ATP7A: variants seen among roughly 807,000 people sequenced by gnomAD.
ATP7A encodes copper-transporting ATPase 1.
ATP7A carries 7 observed loss-of-function variants against 83.5 expected under a neutral mutation model. The ratio of observed to expected loss-of-function variants is 0.08; its 90% confidence interval spans 0.05 to 0.16. ATP7A has a LOEUF of 0.16. Among genes scored for constraint, ATP7A ranks in the 10% least tolerant of loss-of-function variants. The pLI is 1.00. For missense variants in ATP7A, 940 were observed against 1,120.8 expected (o/e 0.84, Z 2.30); for synonymous variants, 354 against 395.2 (o/e 0.90, Z 1.24).
intron 21 of ATP7A, among the ~76,000 whole-genome samples, chrX:78,043,817 CCAACTAATTTTTG>C (rs1249602224): frequency 9.5e-6 from 1 of 105,771 alleles, no homozygotes; most frequent in Non-Finnish European, 1.9e-5. Flanking sequence ...GCCACAACGC[CCAACTAATTTTTG>C]TATTTTTAGT....
chrX:77,930,841 C>T (rs371586819), intron 1 of ATP7A, among the ~76,000 whole-genome samples: 2 of 110,736 alleles, frequency 1.8e-5, no homozygotes, highest in Non-Finnish European at 3.8e-5. Context: ...AGGCAGCTCT[C>T]GACTTTAGAT....
intron 19 of ATP7A, among the ~76,000 whole-genome samples, chrX:78,041,249 C>T (rs182677385): frequency 9.0e-6 from 1 of 111,528 alleles, no homozygotes; most frequent in East Asian, 2.8e-4. Flanking sequence ...ATAAATAATG[C>T]AAGTAATCTT....
Position 77,931,167 on chromosome X carries a change from T to A in ATP7A, c.-22+20332T>A, listed in dbSNP as rs1028930443. On this transcript the variant is annotated intron_variant, in intron 1 of 22. Coordinates refer to ENST00000341514, the MANE Select transcript of ATP7A (RefSeq NM_000052.7). ...TAGGCAGAGGACCCTGTGGCCTTCC[T>A]CAGTGTTTGTGTCCCTGGGTACTTG... Among the ~76,000 whole-genome samples the A allele has an allele frequency of 4.6e-5, 5 of 109,063 alleles. No homozygotes were observed. In the South Asian group the frequency reaches 2.0e-3, roughly 44 times the overall value. 94.7% of individuals were successfully genotyped at this position (109,063 alleles called of 115,157 possible).
intron 1 of ATP7A, among the ~76,000 whole-genome samples, chrX:77,931,988 A>G (rs1438963506): frequency 2.0e-4 from 10 of 50,410 alleles, no homozygotes; most frequent in East Asian, 6.9e-4. Context: ...CGGCTGGCTG[A>G]GCGGGGGGCT....
chrX:78,039,461 T>C (rs1557238091), intron 18 of ATP7A, among the ~76,000 whole-genome samples: 1 of 110,978 alleles, frequency 9.0e-6, no homozygotes, highest in African/African-American at 3.3e-5. Flanking sequence ...GCCTCCCAAG[T>C]AGCTGGGATT....
At chrX:77,982,963 G>A (rs782568330) in intron 2 of ATP7A, among the ~76,000 whole-genome samples, 1 of 112,126 alleles carries the variant, frequency 8.9e-6, no homozygotes, top group East Asian at 2.8e-4. Context: ...CAAATTTGAT[G>A]TCTGGTGAGG....
intron 2 of ATP7A, among the ~76,000 whole-genome samples, chrX:77,977,320 A>G (rs1343605344): frequency 8.9e-6 from 1 of 112,006 alleles, no homozygotes; most frequent in African/African-American, 3.2e-5. Context: ...CAGAAGCTGA[A>G]CCTTACTAAT....
rs1203475039 is a variant in ATP7A at position 77,910,731 on chromosome X, T to A, written c.-126T>A. On this transcript the variant is annotated 5_prime_UTR_variant, in exon 1 of 23. Coordinates refer to ENST00000341514, the MANE Select transcript of ATP7A (RefSeq NM_000052.7). Reference sequence around the variant, plus strand: ...GCCGCCGCCGCAGCCGCAGCTACTGTGACTTCTCCGATTGTGTGAGCTTTG... The same window carrying A: ...GCCGCCGCCGCAGCCGCAGCTACTGAGACTTCTCCGATTGTGTGAGCTTTG... 1.8e-5 allele frequency: 2 copies of A among 112,350 alleles called. No homozygotes were observed. Among genetic ancestry groups the A allele is most frequent in the Admixed American group, 9.4e-5 (1 of 10,637 alleles). The allele number at this position is 112,350 out of a possible 1,213,427, so 9.3% of individuals were successfully genotyped here.
At position 77,950,208 on chromosome X, in the gene ATP7A, A is replaced by G. The variant is rs138539398; in HGVS notation, c.-21-21413A>G. ...CAGAAGTGTCTGACTAGCCAAGTCT[A>G]GAATCATTTAGAAGCATCTCAGCTT... On this transcript the variant is annotated intron_variant, in intron 1 of 22. Coordinates refer to ENST00000341514, the MANE Select transcript of ATP7A (RefSeq NM_000052.7). 2.7e-3 allele frequency among the ~76,000 whole-genome samples: 306 copies of G among 112,357 alleles called. 1 individual carries two copies. Among genetic ancestry groups the G allele is most frequent in the African/African-American group, 9.5e-3 (294 of 30,992 alleles).
At chrX:77,931,763 TG>T (rs1260107476) in intron 1 of ATP7A, among the ~76,000 whole-genome samples, 15 of 45,806 alleles carry the variant, frequency 3.3e-4, no homozygotes, top group African/African-American at 1.3e-3. Context: ...GCTGGCCGGG[TG>T]GGGGGCTGAC....
intron 1 of ATP7A, among the ~76,000 whole-genome samples, chrX:77,919,449 T>TA (rs1293123327): frequency 8.9e-6 from 1 of 112,197 alleles, no homozygotes; most frequent in Non-Finnish European, 1.9e-5. Flanking sequence ...AGCAGCCTGT[T>TA]AAAAAAAATT....
chrX:78,010,013 G>A (rs1486054216), intron 7 of ATP7A, among the ~76,000 whole-genome samples: 1 of 112,630 alleles, frequency 8.9e-6, no homozygotes, highest in East Asian at 2.8e-4. Flanking sequence ...ACATGTGAAT[G>A]TATTTTAAAA....
rs782643561 is a variant in ATP7A, at chrX:78,037,980, G to GTTTTTTTTTT, written c.3512-839_3512-830dup. ...AGAGAGGTGGGTGAGATCAAGAAAG[G>GTTTTTTTTTT]TTTTTTTTTTTTTTTTTTTTTTTTT... On this transcript the variant is annotated intron_variant, in intron 17 of 22. Coordinates refer to ENST00000341514, the MANE Select transcript of ATP7A (RefSeq NM_000052.7). Among the ~76,000 whole-genome samples the GTTTTTTTTTT allele has an allele frequency of 6.3e-3, 320 of 51,200 alleles. 41 individuals are homozygous for GTTTTTTTTTT. The highest frequency in any genetic ancestry group is 7.9e-3 in the Non-Finnish European group (247 of 31,156). The allele number at this position is 51,200 out of a possible 115,157, so 44.5% of individuals were successfully genotyped here.
chrX:77,960,086 A>T (rs112093467), intron 1 of ATP7A, among the ~76,000 whole-genome samples: 30,933 of 111,477 alleles, frequency 0.28, 3,127 homozygotes, highest in South Asian at 0.35. Flanking sequence ...AGTTGTATCC[A>T]AAAAAGGATT....
chrX:77,968,865 C>T lies in ATP7A; in HGVS notation c.-21-2756C>T, dbSNP rs782762847. On this transcript the variant is annotated intron_variant, in intron 1 of 22. Coordinates refer to ENST00000341514, the MANE Select transcript of ATP7A (RefSeq NM_000052.7). ...GTGCTCCTGGGGACAGTATCCTCCCCGCTGGCCTTCACTTCTTGGCCTTGC... is the reference window on the plus strand; with the variant it reads ...GTGCTCCTGGGGACAGTATCCTCCCTGCTGGCCTTCACTTCTTGGCCTTGC... 8.2e-5 allele frequency: 99 copies of T among 1,208,745 alleles called. 1 individual carries two copies. Among genetic ancestry groups the T allele is most frequent in the African/African-American group, 6.6e-4 (38 of 57,189 alleles).
chrX:78,030,521 A>G (rs1259939734), intron 15 of ATP7A, among the ~76,000 whole-genome samples: 1 of 111,012 alleles, frequency 9.0e-6, no homozygotes, highest in Non-Finnish European at 1.9e-5. Context: ...ACATTCTCTT[A>G]TGTAAACTGT....
intron 4 of ATP7A, among the ~76,000 whole-genome samples, chrX:77,994,723 G>A (rs1296471757): frequency 9.0e-6 from 1 of 110,527 alleles, no homozygotes; most frequent in Non-Finnish European, 1.9e-5. Flanking sequence ...TCTATTTTTT[G>A]TAGAGATGGA....
At chrX:77,993,603 T>C (rs1019535409) in intron 4 of ATP7A, among the ~76,000 whole-genome samples, 2 of 111,729 alleles carry the variant, frequency 1.8e-5, no homozygotes, top group Non-Finnish European at 3.8e-5. Flanking sequence ...ATGGACCACA[T>C]AGACGATGGT....
chrX:77,938,669 G>T (rs1481578413), intron 1 of ATP7A, among the ~76,000 whole-genome samples: 1 of 112,088 alleles, frequency 8.9e-6, no homozygotes, highest in African/African-American at 3.2e-5. Context: ...CACTACAAGG[G>T]TTGTCACCCT....
Sources: allele counts gnomAD v4.1 joint callset (sites outside exome capture counted in the v4.1 genomes callset), GRCh38; gene constraint gnomAD v4.1.1; transcripts MANE v1.5; gene names NCBI Gene and HGNC (gene_info 2026-07-23, HGNC 2026-07-21).